The following STARD13 variants were observed in gnomAD, a reference collection of about 807,000 sequenced individuals.
The protein encoded by STARD13 is StAR related lipid transfer domain containing 13.
In STARD13, 62 loss-of-function variants were observed where a neutral mutation model predicts 106.4. The ratio of observed to expected loss-of-function variants is 0.58; its 90% CI spans 0.48 to 0.72. STARD13 has a LOEUF of 0.72. Among genes scored for constraint, STARD13 ranks in the 30% least tolerant of loss-of-function variants. STARD13 has a pLI of 0.00. For synonymous variants in STARD13, 565 were observed against 553.0 expected (o/e 1.02, Z -0.31); for missense variants, 1,387 against 1,424.0 (o/e 0.97, Z 0.42).
chr13:33,604,607 G>A, the STARD13 span, among the ~76,000 whole-genome samples: 77 of 152,104 alleles, frequency 5.1e-4, no homozygotes, highest in African/African-American at 1.8e-3. Context: ...GACCAGCCTG[G>A]CCAATATAGC....
chr13:33,550,904 A>G, the STARD13 span, among the ~76,000 whole-genome samples: 2 of 152,164 alleles, frequency 1.3e-5, no homozygotes, highest in Non-Finnish European at 2.9e-5. Flanking sequence ...TCACTCCAAC[A>G]CTATACTCTT....
the STARD13 span, among the ~76,000 whole-genome samples, chr13:33,530,929 CA>C: frequency 6.6e-6 from 1 of 152,074 alleles, no homozygotes; most frequent in African/African-American, 2.4e-5. Flanking sequence ...TATTAGTTTT[CA>C]AGATAATGAA....
At chr13:33,241,280 A>G (rs1200657116) in intron 1 of STARD13, among the ~76,000 whole-genome samples, 1 of 152,226 alleles carries the variant, frequency 6.6e-6, no homozygotes, top group African/African-American at 2.4e-5. Context: ...AAAGATAGAA[A>G]CAATGGAATG....
the STARD13 span, among the ~76,000 whole-genome samples, chr13:33,607,369 C>T: frequency 6.6e-6 from 1 of 151,298 alleles, no homozygotes; most frequent in Non-Finnish European, 1.5e-5. Flanking sequence ...GCAATCTCAG[C>T]TCACTGCAAC....
chr13:33,331,370 A>T (rs1297132343), intron 1 of STARD13, among the ~76,000 whole-genome samples: 1 of 98,272 alleles, frequency 1.0e-5, no homozygotes, highest in African/African-American at 3.2e-5. Context: ...TTTTGTTTTG[A>T]GGTGGGGTTT....
At chr13:33,356,990 A>G in the STARD13 span, among the ~76,000 whole-genome samples, 2 of 152,250 alleles carry the variant, frequency 1.3e-5, no homozygotes, top group South Asian at 2.1e-4. Context: ...TACCCTGCTC[A>G]TACTTAAACT....
chr13:33,488,140 G>A, the STARD13 span, among the ~76,000 whole-genome samples: 1 of 151,966 alleles, frequency 6.6e-6, no homozygotes, highest in African/African-American at 2.4e-5. Flanking sequence ...TATTCCCTAA[G>A]GTTCTGTCCT....
the STARD13 span, among the ~76,000 whole-genome samples, chr13:33,390,657 A>T: frequency 6.6e-6 from 1 of 152,204 alleles, no homozygotes; most frequent in Non-Finnish European, 1.5e-5. Context: ...TCAAGTATGA[A>T]GAGAGAGTTG....
intron 1 of STARD13, among the ~76,000 whole-genome samples, chr13:33,189,399 T>C (rs1275834787): frequency 8.6e-6 from 1 of 116,284 alleles, no homozygotes; most frequent in Non-Finnish European, 1.7e-5. Context: ...AGAGAGTCCC[T>C]TCCCTTTCCT....
chr13:33,211,300 A>G (rs1887701539), intron 1 of STARD13, among the ~76,000 whole-genome samples: 1 of 151,990 alleles, frequency 6.6e-6, no homozygotes, highest in South Asian at 2.1e-4. Context: ...CTCATTGAAA[A>G]TATTTAAATA....
the STARD13 span, among the ~76,000 whole-genome samples, chr13:33,558,108 T>C: frequency 3.3e-5 from 5 of 152,240 alleles, no homozygotes; most frequent in East Asian, 9.6e-4. Context: ...CAATCTCATG[T>C]ATAGAACAGA....
chr13:33,496,446 C>T, the STARD13 span, among the ~76,000 whole-genome samples: 13 of 151,690 alleles, frequency 8.6e-5, no homozygotes, highest in African/African-American at 1.9e-4. Flanking sequence ...TCCATAATAT[C>T]CTCATGGTAA....
chr13:33,654,255 T>C, the STARD13 span, among the ~76,000 whole-genome samples: 16 of 152,316 alleles, frequency 1.1e-4, no homozygotes, highest in East Asian at 9.6e-4. Context: ...ATCTGATGAA[T>C]TGACAAATAG....
At chr13:33,173,993 A>G (rs998086278) in intron 1 of STARD13, among the ~76,000 whole-genome samples, 2 of 152,194 alleles carry the variant, frequency 1.3e-5, no homozygotes, top group Non-Finnish European at 1.5e-5. Context: ...TCTACACATA[A>G]GCCTTGTTTC....
the STARD13 span, among the ~76,000 whole-genome samples, chr13:33,632,261 G>T: frequency 6.6e-6 from 1 of 152,138 alleles, no homozygotes; most frequent in Non-Finnish European, 1.5e-5. Flanking sequence ...CCTCTTGCTT[G>T]CTCCCTATGG....
chr13:33,208,130 C>G (rs1887520242), intron 1 of STARD13, among the ~76,000 whole-genome samples: 1 of 152,198 alleles, frequency 6.6e-6, no homozygotes, highest in South Asian at 2.1e-4. Flanking sequence ...GTGCTAGCCA[C>G]TTCAGAGGAT....
At chr13:33,589,983 C>T in the STARD13 span, among the ~76,000 whole-genome samples, 6 of 152,034 alleles carry the variant, frequency 3.9e-5, no homozygotes, top group Admixed American at 6.6e-5. Context: ...CTGGGTGCTC[C>T]GGTATTGGGT....
the STARD13 span, among the ~76,000 whole-genome samples, chr13:33,365,711 A>C: frequency 0.74 from 112,062 of 152,096 alleles, 42,374 homozygotes; most frequent in East Asian, 0.95. Context: ...TCACTGTAAC[A>C]CTCACCCATG....
chr13:33,163,047 G>A (rs200897297), intron 3 of STARD13, among the ~76,000 whole-genome samples: 12 of 152,070 alleles, frequency 7.9e-5, no homozygotes, highest in African/African-American at 9.7e-5. Context: ...GAATCATGGC[G>A]GGAGGCAAAA....
Sources: gnomAD v4.1 joint callset for allele counts (sites outside exome capture counted in the v4.1 genomes callset) on GRCh38, gnomAD v4.1.1 for gene constraint, MANE v1.5 for transcripts, NCBI Gene and HGNC (gene_info 2026-07-23, HGNC 2026-07-21) for gene names.